DISC1: variants seen among roughly 807,000 people sequenced by gnomAD.
DISC1 encodes the protein DISC1 scaffold protein.
DISC1 carries 57 observed loss-of-function variants against 84.5 expected under a neutral mutation model. That is an observed-to-expected ratio of 0.67 (90% CI 0.55 to 0.84). DISC1 has a LOEUF of 0.84. Among genes scored for constraint, DISC1 ranks in the 40% least tolerant of loss-of-function variants. The pLI is 0.00. For synonymous variants in DISC1, 411 were observed against 415.2 expected (o/e 0.99, Z 0.12); for missense variants, 1,000 against 1,057.8 (o/e 0.95, Z 0.76).
intron 3 of DISC1, chr1:231,722,849 G>A (rs1470842409): frequency 1.1e-4 from 156 of 1,413,620 alleles, no homozygotes; most frequent in Non-Finnish European, 1.4e-4. Context: ...TCTCCCATGC[G>A]TTTCCCAGTC....
intron 8 of DISC1, among the ~76,000 whole-genome samples, chr1:231,809,645 T>A (rs933275720): frequency 6.6e-5 from 10 of 152,102 alleles, no homozygotes; most frequent in Non-Finnish European, 1.5e-4. Context: ...GCTGGAAATC[T>A]TCTCTCCTAA....
chr1:231,926,021 A>G (rs1004143148), intron 9 of DISC1: 1 of 152,214 alleles, frequency 6.6e-6, no homozygotes, highest in African/African-American at 2.4e-5. Context: ...AACTAATTCC[A>G]TATCTCACCC....
intron 10 of DISC1, among the ~76,000 whole-genome samples, chr1:232,005,985 T>G (rs1335908974): frequency 6.6e-6 from 1 of 152,220 alleles, no homozygotes; most frequent in African/African-American, 2.4e-5. Flanking sequence ...TTTACATTCC[T>G]CATAGTTTCA....
intron 8 of DISC1, among the ~76,000 whole-genome samples, chr1:231,815,841 T>C (rs1336104927): frequency 1.3e-5 from 2 of 152,194 alleles, no homozygotes; most frequent in Non-Finnish European, 2.9e-5. Flanking sequence ...TGCATAGCTA[T>C]AGTATTATTT....
In DISC1 at chr1:231,632,868, C is replaced by T. The variant is rs141482899; in HGVS notation, c.67+5934C>T. On this transcript the variant is annotated intron_variant, in intron 1 of 12. Transcript: ENST00000439617. Reference sequence around the variant, plus strand: ...GGCAGATGACCTGAGGTCAGGAGTTCGAGACCATCCTGGCCAACATGGCAG... The same window carrying T: ...GGCAGATGACCTGAGGTCAGGAGTTTGAGACCATCCTGGCCAACATGGCAG... 1.8e-4 allele frequency among the ~76,000 whole-genome samples: 27 copies of T among 152,180 alleles called. No individual in the cohort carries two copies. The East Asian group carries it at 2.5e-3, about 14-fold the overall frequency.
At chr1:231,663,918 C>T (rs199622269) in intron 1 of DISC1, among the ~76,000 whole-genome samples, 15 of 152,046 alleles carry the variant, frequency 9.9e-5, no homozygotes, top group Non-Finnish European at 2.1e-4. Context: ...GATCTTAATC[C>T]TAAGGATTAG....
chr1:231,856,836 TG>T (rs1174678193), intron 9 of DISC1, among the ~76,000 whole-genome samples: 1 of 152,088 alleles, frequency 6.6e-6, no homozygotes, highest in Non-Finnish European at 1.5e-5. Context: ...TTTCCCAAGA[TG>T]GGGCCTACTG....
At chr1:231,876,547 A>T (rs1452652112) in intron 9 of DISC1, among the ~76,000 whole-genome samples, 1 of 152,210 alleles carries the variant, frequency 6.6e-6, no homozygotes, top group African/African-American at 2.4e-5. Flanking sequence ...AGATGTAGCA[A>T]CAGTGGCTGC....
intron 1 of DISC1, among the ~76,000 whole-genome samples, chr1:231,691,035 G>A (rs1330895360): frequency 1.3e-5 from 2 of 152,120 alleles, no homozygotes; most frequent in African/African-American, 2.4e-5. Flanking sequence ...CCAGGGCCCC[G>A]GTAGAAACAA....
chr1:231,685,760 G>T (rs1161876931), intron 1 of DISC1, among the ~76,000 whole-genome samples: 1 of 152,088 alleles, frequency 6.6e-6, no homozygotes, highest in Non-Finnish European at 1.5e-5. Context: ...CTGGCAAAAG[G>T]CACTTCTAAC....
At chr1:231,749,860 A>C in intron 3 of DISC1, 66 bp from the exon 4 acceptor site, 15 of 1,594,792 alleles carry the variant, frequency 9.4e-6, no homozygotes, top group Non-Finnish European at 1.2e-5. Context: ...GCTAAGAGAC[A>C]CCGGGGTTAT....
In DISC1 at chr1:231,901,229, T is replaced by G. The variant is rs576742655; in HGVS notation, c.1982-57599T>G. Among the ~76,000 whole-genome samples, 403 of 152,316 alleles carry G rather than the reference T, an allele frequency of 2.6e-3. 1 individual carries two copies. The highest frequency in any genetic ancestry group is 9.0e-3 in the African/African-American group (375 of 41,568). On this transcript the variant is annotated intron_variant, in intron 9 of 12. Transcript: ENST00000439617. The stretch of plus-strand genomic sequence containing the variant: ...TCTTCAAACGGCTATCAGAGAAACG[T>G]CAATTTCAGAATATGGTTAGATACA...
intron 9 of DISC1, among the ~76,000 whole-genome samples, chr1:231,942,911 T>C (rs200398867): frequency 6.6e-6 from 1 of 152,178 alleles, no homozygotes; most frequent in South Asian, 2.1e-4. Flanking sequence ...AAGGATTATG[T>C]TCCCTGTGGA....
intron 6 of DISC1, among the ~76,000 whole-genome samples, chr1:231,790,156 C>T (rs1014264406): frequency 2.6e-5 from 4 of 152,076 alleles, no homozygotes; most frequent in East Asian, 1.9e-4. Flanking sequence ...AAAAGAGTGC[C>T]GTGTTTTCTG....
chr1:231,811,117 A>G (rs2080250361), intron 8 of DISC1, among the ~76,000 whole-genome samples: 1 of 152,212 alleles, frequency 6.6e-6, no homozygotes, highest in South Asian at 2.1e-4. Flanking sequence ...TATGAAATAT[A>G]TGGCTGTCTG....
intron 3 of DISC1, 34 bp downstream of exon 3, chr1:231,702,058 A>C: frequency 6.3e-7 from 1 of 1,591,996 alleles, no homozygotes; most frequent in Non-Finnish European, 8.5e-7. Context: ...TTGTTTTGTC[A>C]TCATGTCCCA....
intron 6 of DISC1, among the ~76,000 whole-genome samples, chr1:231,793,215 T>C (rs139474340): frequency 6.6e-6 from 1 of 152,306 alleles, no homozygotes; most frequent in African/African-American, 2.4e-5. Flanking sequence ...TGGTATGAGA[T>C]TTCCTGACAC....
chr1:231,773,534 G>T (rs546354669), intron 6 of DISC1, among the ~76,000 whole-genome samples: 7 of 152,042 alleles, frequency 4.6e-5, no homozygotes, highest in Admixed American at 1.3e-4. Flanking sequence ...ACAGGCTTGT[G>T]CCAGCACACC....
At chr1:231,952,695 A>ATATATATATATATATG (rs1328754423) in intron 9 of DISC1, among the ~76,000 whole-genome samples, 13 of 106,252 alleles carry the variant, frequency 1.2e-4, no homozygotes, top group African/African-American at 4.2e-4. Flanking sequence ...ATATGTTTAT[A>ATATATATATATATATG]TATATATATA....
Sources: allele counts gnomAD v4.1 joint callset (sites outside exome capture counted in the v4.1 genomes callset), GRCh38; gene constraint gnomAD v4.1.1; transcripts MANE v1.5; gene names NCBI Gene and HGNC (gene_info 2026-07-23, HGNC 2026-07-21).